AEBP1: variants seen among roughly 807,000 people sequenced by gnomAD.
AEBP1 encodes adipocyte enhancer-binding protein 1.
In AEBP1, 69 loss-of-function variants were observed where a neutral mutation model predicts 116.5. The observed-to-expected ratio is 0.59, with a 90% confidence interval of 0.49 to 0.72. The LOEUF is 0.72. Among genes scored for constraint, AEBP1 ranks in the 30% least tolerant of loss-of-function variants. The pLI, the probability that AEBP1 is intolerant of heterozygous loss-of-function variation, is 0.00. For missense variants in AEBP1, 1,444 were observed against 1,557.5 expected (o/e 0.93, Z 1.23); for synonymous variants, 627 against 627.3 (o/e 1.00, Z 0.01).
Position 44,113,022 on chromosome 7 carries a change from C to T in AEBP1, c.2601C>T (p.Asn867=). 6.2e-7 allele frequency: 1 copy of T among 1,614,144 alleles called. No individual in the cohort carries two copies. Among genetic ancestry groups the T allele is most frequent in the Non-Finnish European group, 8.5e-7 (1 of 1,180,016 alleles). ...ATGACTTCAGTTACCTGCATACCAA[C>T]TGCCTGGAGCTCTCCTTCTACCTGG... ...TINDFSYLHT[N]CLELSFYLGC... Residue 867 remains asparagine, a synonymous_variant, in exon 19 of 21, where the codon AAC becomes AAT. Coordinates refer to ENST00000223357, the MANE Select transcript of AEBP1 (RefSeq NM_001129.5). The surrounding 1 kb of genome is among the most constrained non-coding windows in gnomAD (Gnocchi z 5.3).
rs936326424 is a variant in AEBP1 at position 44,111,101 on chromosome 7, G to C, written c.1630+44G>C. On this transcript the variant is annotated intron_variant, in intron 13 of 20. Transcript: ENST00000223357. This position sits in a 1 kb window ranked among gnomAD's most constrained non-coding sequence, Gnocchi z 4.7. ...CAGGGGCTCTGAGTGGAGGTGGGGT[G>C]CTAGGGTGGGCCAGCCGGCACCCAG... is the stretch of plus-strand genomic sequence containing the variant. 6.3e-7 allele frequency: 1 copy of C among 1,588,364 alleles called. No individual in the cohort carries two copies. Among genetic ancestry groups the C allele is most frequent in the Non-Finnish European group, 8.6e-7 (1 of 1,164,452 alleles).
rs965629125 is a variant in AEBP1, at chr7:44,110,581, G to T, written c.1401-144G>T. The T allele has an allele frequency of 8.3e-6, 8 of 967,412 alleles. No individual in the cohort carries two copies. The African/African-American group carries it at 1.1e-4, about 14-fold the overall frequency. The allele number at this position is 967,412 out of a possible 1,614,324, so 59.9% of individuals were successfully genotyped here. A position where few individuals can be genotyped will look rare whatever the true frequency, so the allele number is the denominator to read the frequency against. Reference sequence around the variant, plus strand: ...TCACCTGCCCATGGCTATGTGACGGGCATAGGACCCAGGCTCAACACCTGG... The same window carrying T: ...TCACCTGCCCATGGCTATGTGACGGTCATAGGACCCAGGCTCAACACCTGG... On this transcript the variant is annotated intron_variant, in intron 11 of 20. Transcript: ENST00000223357.
Position 44,114,034 on chromosome 7 carries a change from G to A in AEBP1, c.3250G>A (p.Glu1084Lys), listed in dbSNP as rs767212497. 1 of 1,614,176 alleles carries A rather than the reference G, an allele frequency of 6.2e-7. No individual in the cohort carries two copies. Among genetic ancestry groups the A allele is most frequent in the South Asian group, 1.1e-5 (1 of 91,072 alleles). Residue 1084 changes from glutamate (E) to lysine (K), a missense_variant, in exon 21 of 21, where the codon GAG (glutamate) becomes AAG (lysine). Physicochemically the swap from Glu to Lys is moderately conservative, Grantham distance 56. Transcript: ENST00000223357. ...TTAGWEESET[E>K]TYTEVVTEFG... ...CGCTGGCTGGGAGGAGTCGGAGACT[G>A]AGACCTACACAGAGGTGGTGACAGA...
chr7:44,113,570 A>T lies in AEBP1; in HGVS notation c.2810-24A>T, dbSNP rs1164512126. ...GGGCCTGGGAGGGGCGCTCTGGGGC[A>T]GCCGGATCGTTCTCCCTCCGCAGCC... On this transcript the variant is annotated intron_variant, in intron 20 of 20. Transcript: ENST00000223357. This position sits in a 1 kb window ranked among gnomAD's most constrained non-coding sequence, Gnocchi z 5.3. 1.9e-6 allele frequency: 3 copies of T among 1,591,740 alleles called. No individual in the cohort carries two copies. The South Asian group carries it at 3.4e-5, about 18-fold the overall frequency.
At position 44,108,184 on chromosome 7, in the gene AEBP1, AC is replaced by A; in HGVS notation, c.940+104del. 2 of 1,189,534 alleles carry A rather than the reference AC, an allele frequency of 1.7e-6. No homozygotes were observed. Among genetic ancestry groups the A allele is most frequent in the Non-Finnish European group, 2.4e-6 (2 of 831,210 alleles). 73.7% of individuals were successfully genotyped at this position (1,189,534 alleles called of 1,614,324 possible). A position where few individuals can be genotyped will look rare whatever the true frequency, so the allele number is the denominator to read the frequency against. ...GCTGGGGCAACTCACCCACCTTGCA[AC>A]CCCACCTGTGCCCGTGGTTACCTCG... On this transcript the variant is annotated intron_variant, in intron 6 of 20. Transcript: ENST00000223357. This position sits in a 1 kb window ranked among gnomAD's most constrained non-coding sequence, Gnocchi z 5.0.
chr7:44,110,700 G>T (rs923971085), intron 11 of AEBP1, 25 bp from the exon 12 acceptor site: 2 of 1,513,800 alleles, frequency 1.3e-6, no homozygotes, highest in Non-Finnish European at 1.8e-6. Flanking sequence ...GAAGACCCTT[G>T]CTCTGACCAC....
Position 44,107,558 on chromosome 7 carries a change from G to A in AEBP1, c.667+48G>A, listed in dbSNP as rs758384725. ...GCCTTGGGGCCAGCTGCCCTGGCTG[G>A]TTGGACTGAGGGCTTCCCCAGAGTA... On this transcript the variant is annotated intron_variant, in intron 3 of 20. Transcript: ENST00000223357. The surrounding 1 kb of genome is among the most constrained non-coding windows in gnomAD (Gnocchi z 4.3). 1 of 1,613,290 alleles carries A rather than the reference G, an allele frequency of 6.2e-7. No individual in the cohort carries two copies. Among genetic ancestry groups the A allele is most frequent in the Admixed American group, 1.7e-5 (1 of 60,022 alleles).
rs751275919 is a variant in AEBP1 at position 44,108,997 on chromosome 7, C to A, written c.1018+21C>A. On this transcript the variant is annotated intron_variant, in intron 7 of 20. Coordinates refer to ENST00000223357, the MANE Select transcript of AEBP1 (RefSeq NM_001129.5). The surrounding 1 kb of genome is among the most constrained non-coding windows in gnomAD (Gnocchi z 5.0). Reference sequence around the variant, plus strand: ...GCTGAGTGAGTGGGACCAAGGACTTCCCACACCAGGCCTGCCCTGAAGGCC... The same window carrying A: ...GCTGAGTGAGTGGGACCAAGGACTTACCACACCAGGCCTGCCCTGAAGGCC... The A allele has an allele frequency of 1.2e-6, 2 of 1,605,964 alleles. No homozygotes were observed. Among genetic ancestry groups the A allele is most frequent in the Non-Finnish European group, 1.7e-6 (2 of 1,176,596 alleles).
rs752164012 is a variant in AEBP1, at chr7:44,107,905, C to T, written c.836C>T (p.Pro279Leu). ...VWPEPPEEKA[P>L]APAPEERIEP... ...CCAGAGCCCCCTGAGGAGAAGGCCC[C>T]GGCCCCAGCCCCGGAGGAGAGGATT... The change falls in exon 5 of 21, where the codon CCG (proline) becomes CTG (leucine). Residue 279 changes from proline to leucine, a missense_variant. Physicochemically the swap from Pro to Leu is moderately conservative, Grantham distance 98. Transcript: ENST00000223357. The surrounding 1 kb of genome is among the most constrained non-coding windows in gnomAD (Gnocchi z 4.3). 6.1e-5 allele frequency: 98 copies of T among 1,593,520 alleles called. No homozygotes were observed. Among genetic ancestry groups the T allele is most frequent in the Non-Finnish European group, 7.6e-5 (89 of 1,170,780 alleles).
At chr7:44,109,213 C>T (rs1210104776) in intron 8 of AEBP1, 29 bp downstream of exon 8, 11 of 1,612,690 alleles carry the variant, frequency 6.8e-6, no homozygotes, top group Non-Finnish European at 9.3e-6. Flanking sequence ...GGGCCTGGGT[C>T]CCTGTGGGGC....
chr7:44,113,910 C>T lies in AEBP1; in HGVS notation c.3126C>T (p.Thr1042=). ...QMRLRRLNAT[T]TLGPHTVPPT... ...GGCTGCGGCGCCTCAACGCCACCACCACCCTAGGCCCCCACACTGTGCCTC... is the reference window on the plus strand; with the variant it reads ...GGCTGCGGCGCCTCAACGCCACCACTACCCTAGGCCCCCACACTGTGCCTC... Residue 1042 remains threonine (T), a synonymous_variant, in exon 21 of 21, where the codon ACC becomes ACT. Coordinates refer to ENST00000223357, the MANE Select transcript of AEBP1 (RefSeq NM_001129.5). The surrounding 1 kb of genome is among the most constrained non-coding windows in gnomAD (Gnocchi z 5.3). 1 of 1,613,504 alleles carries T rather than the reference C, an allele frequency of 6.2e-7. No homozygotes were observed.
intron 7 of AEBP1, 49 bp from the exon 8 acceptor site, chr7:44,109,058 C>T (rs2096226046): frequency 6.2e-7 from 1 of 1,612,330 alleles, no homozygotes; most frequent in Non-Finnish European, 8.5e-7. Context: ...ACATGGTCCT[C>T]AAAGCCCAGA....
At chr7:44,106,030 T>A in intron 1 of AEBP1, 1 of 368,428 alleles carries the variant, frequency 2.7e-6, no homozygotes, top group Non-Finnish European at 5.3e-6. Context: ...AGGAGACCAC[T>A]TCCTCTTCTT....
intron 12 of AEBP1, 40 bp downstream of exon 12, chr7:44,110,849 T>C: frequency 6.2e-7 from 1 of 1,609,952 alleles, no homozygotes; most frequent in Non-Finnish European, 8.5e-7. Context: ...GCTCCCATTG[T>C]CTGGGCGAGG....
chr7:44,112,061 G>A lies in AEBP1; in HGVS notation c.2037+11G>A. ...GTGGCAGCGCAGATGGTGGGTTGAA[G>A]GGTGAGGCTGGCCAGGGTCCAGGCA... On this transcript the variant is annotated intron_variant, in intron 16 of 20. Transcript: ENST00000223357. The surrounding 1 kb of genome is among the most constrained non-coding windows in gnomAD (Gnocchi z 6.6). 4 of 1,610,044 alleles carry A rather than the reference G, an allele frequency of 2.5e-6. No individual in the cohort carries two copies. Among genetic ancestry groups the A allele is most frequent in the Non-Finnish European group, 3.4e-6 (4 of 1,176,916 alleles).
chr7:44,111,192 A>G lies in AEBP1; in HGVS notation c.1669A>G (p.Thr557Ala). Residue 557 changes from threonine (T) to alanine (A), a missense_variant, in exon 14 of 21, where the codon ACC becomes GCC. Transcript: ENST00000223357. The surrounding 1 kb of genome is among the most constrained non-coding windows in gnomAD (Gnocchi z 4.7). ...SYYAQNEVVA[T>A]DDLDFRHHSY... is the part of the protein sequence containing the mutation. ...CTACGCACAGAATGAGGTGGTGGCC[A>G]CCGATGACCTGGATTTCCGGCACCA... 1 of 1,515,646 alleles carries G rather than the reference A, an allele frequency of 6.6e-7. No individual in the cohort carries two copies. Among genetic ancestry groups the G allele is most frequent in the Non-Finnish European group, 8.8e-7 (1 of 1,131,054 alleles). 93.9% of individuals were successfully genotyped at this position (1,515,646 alleles called of 1,614,324 possible). A position where few individuals can be genotyped will look rare whatever the true frequency, so the allele number is the denominator to read the frequency against.
In AEBP1 at chr7:44,113,667, C is replaced by T. The variant is rs777422998; in HGVS notation, c.2883C>T (p.Thr961=). Residue 961 remains threonine (T), a synonymous_variant, in exon 21 of 21, where the codon ACC becomes ACT. Transcript: ENST00000223357. The surrounding 1 kb of genome is among the most constrained non-coding windows in gnomAD (Gnocchi z 5.3). ...YRVTAHAEGY[T]PSAKTCNVDY... The stretch of plus-strand genomic sequence containing the variant: ...TGACAGCCCACGCGGAGGGCTACAC[C>T]CCGAGCGCCAAGACCTGCAATGTTG... 5.0e-6 allele frequency: 8 copies of T among 1,613,796 alleles called. No homozygotes were observed. The Admixed American group carries it at 1.2e-4, about 24-fold the overall frequency.
chr7:44,111,832 ACT>A lies in AEBP1; in HGVS notation c.1841-21_1841-20del, dbSNP rs1245304119. 6.2e-7 allele frequency: 1 copy of A among 1,606,014 alleles called. No individual in the cohort carries two copies. The highest frequency in any genetic ancestry group is 8.5e-7 in the Non-Finnish European group (1 of 1,176,202). Reference sequence around the variant, plus strand: ...CTGGGCCTCGGGAGACTGAGTGCTCACTGAGGCTCCCGCCCTTGCAGGGGAGC... The same window carrying A: ...CTGGGCCTCGGGAGACTGAGTGCTCAGAGGCTCCCGCCCTTGCAGGGGAGC... On this transcript the variant is annotated intron_variant, in intron 15 of 20. Transcript: ENST00000223357. The surrounding 1 kb of genome is among the most constrained non-coding windows in gnomAD (Gnocchi z 4.7).
chr7:44,109,370 T>TGGGGGCCCCAGGGGGGGGGGGGG, intron 9 of AEBP1, 29 bp downstream of exon 9: 1 of 450,208 alleles, frequency 2.2e-6, no homozygotes, highest in Non-Finnish European at 3.4e-6. Flanking sequence ...GGGGTGAGGG[T>TGGGGGCCCCAGGGGGGGGGGGGG]GGGGGCCACA....
Sources: allele counts gnomAD v4.1 joint callset, GRCh38; gene constraint gnomAD v4.1.1; non-coding constraint Gnocchi (gnomAD v3.1); transcripts MANE v1.5; gene names NCBI Gene and HGNC (gene_info 2026-07-23, HGNC 2026-07-21).